Variants in NDE1 observed in about 807,000 individuals in gnomAD.
NDE1 encodes the protein nudE neurodevelopment protein 1, also known as nuclear distribution protein nudE homolog 1.
A neutral mutation model predicts 43.4 loss-of-function variants in NDE1; 28 were observed. The ratio of observed to expected loss-of-function variants is 0.65; its 90% CI spans 0.48 to 0.89. The LOEUF is 0.89. NDE1 is among the 40% of genes least tolerant of loss of function. The probability of loss-of-function intolerance (pLI) is 0.00; values close to 1 mark genes in which losing one functional copy is unlikely to be tolerated. For synonymous variants in NDE1, 184 were observed against 172.0 expected (o/e 1.07, Z -0.55); for missense variants, 441 against 434.1 (o/e 1.02, Z -0.14).
At chr16:15,718,147 G>C in intron 8 of NDE1, 2 of 1,033,626 alleles carry the variant, frequency 1.9e-6, no homozygotes. Flanking sequence ...CAGCAGCCTG[G>C]GCACTGGTGT....
chr16:15,654,494 G>C (rs1446967205), intron 1 of NDE1, among the ~76,000 whole-genome samples: 3 of 150,646 alleles, frequency 2.0e-5, no homozygotes, highest in Non-Finnish European at 4.4e-5. Flanking sequence ...CGAGGTACTA[G>C]GGACGCTGAG....
intron 3 of NDE1, among the ~76,000 whole-genome samples, chr16:15,667,706 A>G (rs2037387850): frequency 7.2e-6 from 1 of 139,336 alleles, no homozygotes; most frequent in East Asian, 2.1e-4. Flanking sequence ...ATCTTGGCTC[A>G]CTGCAACCTC....
chr16:15,716,505 GTTT>G (rs1015020513), intron 8 of NDE1, among the ~76,000 whole-genome samples: 65 of 151,946 alleles, frequency 4.3e-4, no homozygotes, highest in African/African-American at 1.5e-3. Flanking sequence ...TTGGACTTTT[GTTT>G]TTTGGGGTTT....
At chr16:15,705,618 G>C (rs1567670507) in intron 8 of NDE1, among the ~76,000 whole-genome samples, 1 of 152,124 alleles carries the variant, frequency 6.6e-6, no homozygotes, top group Non-Finnish European at 1.5e-5. Flanking sequence ...GCAGACTTTT[G>C]CTCCCCACGC....
intron 1 of NDE1, among the ~76,000 whole-genome samples, chr16:15,652,953 G>A (rs910291457): frequency 4.6e-5 from 7 of 152,088 alleles, no homozygotes; most frequent in African/African-American, 1.4e-4. Context: ...GAGAGCCACC[G>A]CGCCTGGCCT....
At chr16:15,717,942 G>A (rs755255914) in intron 8 of NDE1, 1 of 363,770 alleles carries the variant, frequency 2.7e-6, no homozygotes, top group Non-Finnish European at 5.3e-6. Context: ...ATGGTCCCTA[G>A]TGCCCACCAT....
chr16:15,698,099 G>A (rs1238370500), intron 8 of NDE1, among the ~76,000 whole-genome samples: 1 of 152,118 alleles, frequency 6.6e-6, no homozygotes, highest in Admixed American at 6.6e-5. Flanking sequence ...ACTGCAACCA[G>A]CCCTTTTTTT....
Position 15,685,953 on chromosome 16 carries a change from A to ATT in NDE1, c.387-1407_387-1406dup, listed in dbSNP as rs112767652. 4.7e-3 allele frequency among the ~76,000 whole-genome samples: 649 copies of ATT among 138,370 alleles called. 4 individuals carry two copies. The highest frequency in any genetic ancestry group is 0.016 in the African/African-American group (610 of 37,826). 90.8% of individuals were successfully genotyped at this position (138,370 alleles called of 152,430 possible). On this transcript the variant is annotated intron_variant, in intron 4 of 8. Transcript: ENST00000396354. ...ACATCTGTTGTGTGCTTCCTGTAGGATTTTTTTTTTTTTTTTGGGAAACAT... is the reference window on the plus strand; with the variant it reads ...ACATCTGTTGTGTGCTTCCTGTAGGATTTTTTTTTTTTTTTTTTGGGAAACAT...
rs2038686802 is a variant in NDE1 at position 15,690,360 on chromosome 16, T to TTC, written c.524-783_524-782insCT. Among the ~76,000 whole-genome samples the TTC allele has an allele frequency of 1.4e-4, 14 of 100,466 alleles. No individual in the cohort carries two copies. The South Asian group carries it at 4.8e-3, about 35-fold the overall frequency. 65.9% of individuals were successfully genotyped at this position (100,466 alleles called of 152,430 possible). On this transcript the variant is annotated intron_variant, in intron 5 of 8. Coordinates refer to ENST00000396354, the MANE Select transcript of NDE1 (RefSeq NM_017668.3). ...GCCTTTTTTTTTTTTTTTCTTTTTTTTTTTTTTTTTTTTTTTTTTTTGAGC... is the reference window on the plus strand; with the variant it reads ...GCCTTTTTTTTTTTTTTTCTTTTTTTTCTTTTTTTTTTTTTTTTTTTTTGAGC...
chr16:15,684,357 C>G (rs1281081078), intron 4 of NDE1: 2 of 152,110 alleles, frequency 1.3e-5, no homozygotes, highest in African/African-American at 2.4e-5. Context: ...CTTTGGGAGG[C>G]AGAAGCAGGT....
chr16:15,679,779 T>G (rs1189952042), intron 4 of NDE1, among the ~76,000 whole-genome samples: 1 of 145,982 alleles, frequency 6.9e-6, no homozygotes, highest in Non-Finnish European at 1.5e-5. Context: ...TTAGTTGTTT[T>G]TTGTTTTTGT....
At chr16:15,703,772 T>C in intron 8 of NDE1, 3 of 620,216 alleles carry the variant, frequency 4.8e-6, no homozygotes, top group Non-Finnish European at 8.5e-6. Flanking sequence ...AATTCTTGTA[T>C]AGATGAGGTT....
At chr16:15,651,004 C>CT (rs1480467311) in intron 1 of NDE1, among the ~76,000 whole-genome samples, 1 of 152,192 alleles carries the variant, frequency 6.6e-6, no homozygotes, top group Non-Finnish European at 1.5e-5. Context: ...GACGAAAATG[C>CT]TTATTCCGCA....
intron 4 of NDE1, chr16:15,686,428 A>G: frequency 1.0e-6 from 1 of 985,422 alleles, no homozygotes; most frequent in Non-Finnish European, 1.2e-6. Context: ...TATGCCCTTC[A>G]CAAGAAGGGG....
rs2040327955 is a variant in NDE1 at position 15,719,121 on chromosome 16, CTG to C, written c.948-5068_948-5067del. 4.9e-6 allele frequency: 6 copies of C among 1,219,460 alleles called. No individual in the cohort carries two copies. In the Admixed American group the frequency reaches 1.2e-4, roughly 23 times the overall value. 75.5% of individuals were successfully genotyped at this position (1,219,460 alleles called of 1,614,324 possible). A position where few individuals can be genotyped will look rare whatever the true frequency, so the allele number is the denominator to read the frequency against. On this transcript the variant is annotated intron_variant, in intron 8 of 8. Transcript: ENST00000396354. Reference sequence around the variant, plus strand: ...CCAGCCTGGGTGACAGAATGAAACTCTGTCTCGAAAAAATTTAAAAAATAAAA... The same window carrying C: ...CCAGCCTGGGTGACAGAATGAAACTCTCTCGAAAAAATTTAAAAAATAAAA...
chr16:15,706,588 T>C (rs1445479010), intron 8 of NDE1, among the ~76,000 whole-genome samples: 1 of 151,774 alleles, frequency 6.6e-6, no homozygotes, highest in Non-Finnish European at 1.5e-5. Flanking sequence ...GCGCCTGGAA[T>C]CCCAGTCACT....
chr16:15,722,742 CATTTT>C (rs571589541), intron 8 of NDE1, among the ~76,000 whole-genome samples: 5 of 152,202 alleles, frequency 3.3e-5, no homozygotes, highest in Admixed American at 6.6e-5. Context: ...GTACAATCCT[CATTTT>C]ATTTATTTTT....
At chr16:15,720,299 T>A (rs1256091786) in intron 8 of NDE1, 4 of 1,614,016 alleles carry the variant, frequency 2.5e-6, no homozygotes, top group Non-Finnish European at 8.5e-7. Context: ...CAGTTCCGTC[T>A]CATACTCGTG....
Position 15,724,293 on chromosome 16 carries a change from C to G in NDE1, c.*42C>G. 6.2e-7 allele frequency: 1 copy of G among 1,614,194 alleles called. No homozygotes were observed. The highest frequency in any genetic ancestry group is 2.2e-5 in the East Asian group (1 of 44,880). The stretch of plus-strand genomic sequence containing the variant: ...TTTCCAGTTTATCATAAGCGGCCGC[C>G]TTCTCCTCGTACTGCTGGGTGAGGT... On this transcript the variant is annotated 3_prime_UTR_variant, in exon 9 of 9. Transcript: ENST00000396354.
Sources: allele counts gnomAD v4.1 joint callset (sites outside exome capture counted in the v4.1 genomes callset), GRCh38; gene constraint gnomAD v4.1.1; transcripts MANE v1.5; gene names NCBI Gene and HGNC (gene_info 2026-07-23, HGNC 2026-07-21).